The following FBXO45 variants were observed in gnomAD, a reference collection of about 807,000 sequenced individuals.
FBXO45 encodes F-box/SPRY domain-containing protein 1.
In FBXO45, 3 loss-of-function variants were observed where a neutral mutation model predicts 25.5. That is an observed-to-expected ratio of 0.12 (90% CI 0.05 to 0.30). The LOEUF (loss-of-function observed/expected upper bound fraction) is 0.30, where lower values mean the gene tolerates loss of function less well. FBXO45 is among the 10% of genes least tolerant of loss of function. The pLI, the probability that FBXO45 is intolerant of heterozygous loss-of-function variation, is 1.00. For missense variants in FBXO45, 219 were observed against 365.0 expected (o/e 0.60, Z 3.26); for synonymous variants, 155 against 149.8 (o/e 1.03, Z -0.25).
In FBXO45 at chr3:196,584,024, A is replaced by G. The variant is rs536756721; in HGVS notation, c.676-109A>G. On this transcript the variant is annotated intron_variant, in intron 2 of 2. Coordinates refer to ENST00000311630, the MANE Select transcript of FBXO45 (RefSeq NM_001105573.2). This position sits in a 1 kb window ranked among gnomAD's most constrained non-coding sequence, Gnocchi z 4.3. ...AGCTTCCCTTCTGATTTTTCTAGAT[A>G]GCTTTCAGGATAATATTCTTAATAT... 10 of 1,039,782 alleles carry G rather than the reference A, an allele frequency of 9.6e-6. No individual in the cohort carries two copies. Among genetic ancestry groups the G allele is most frequent in the Admixed American group, 8.7e-5 (3 of 34,600 alleles). The allele number at this position is 1,039,782 out of a possible 1,614,324, so 64.4% of individuals were successfully genotyped here.
intron 1 of FBXO45, among the ~76,000 whole-genome samples, chr3:196,571,266 G>A (rs542256816): frequency 3.6e-4 from 54 of 151,578 alleles, no homozygotes; most frequent in Non-Finnish European, 6.6e-4. Context: ...AAACTCTGTC[G>A]CCCAGGCTGC....
chr3:196,585,394 C>A lies in FBXO45; in HGVS notation c.*1076C>A, dbSNP rs1053600546. 4 of 151,996 alleles carry A rather than the reference C, an allele frequency of 2.6e-5. No individual in the cohort carries two copies. The highest frequency in any genetic ancestry group is 5.9e-5 in the Non-Finnish European group (4 of 67,998). The allele number at this position is 151,996 out of a possible 1,614,324, so 9.4% of individuals were successfully genotyped here. ...ACCTTATAAATGCTGTAGATATTAT[C>A]AAAAAAATTTTAATTTCATATTGTT... On this transcript the variant is annotated 3_prime_UTR_variant, in exon 3 of 3. Transcript: ENST00000311630.
At chr3:196,582,984 T>A (rs1391092160) in intron 2 of FBXO45, among the ~76,000 whole-genome samples, 1 of 152,198 alleles carries the variant, frequency 6.6e-6, no homozygotes, top group African/African-American at 2.4e-5. Flanking sequence ...AACTTTTTCC[T>A]CACCCCAACA....
intron 2 of FBXO45, among the ~76,000 whole-genome samples, chr3:196,583,474 C>G (rs1345088219): frequency 6.7e-6 from 1 of 149,816 alleles, no homozygotes; most frequent in African/African-American, 2.5e-5. Flanking sequence ...CCACTGCACT[C>G]CAGCCTGGGC....
At position 196,568,892 on chromosome 3, in the gene FBXO45, C is replaced by A; in HGVS notation, c.-93C>A. 1 of 925,190 alleles carries A rather than the reference C, an allele frequency of 1.1e-6. No homozygotes were observed. The highest frequency in any genetic ancestry group is 1.3e-6 in the Non-Finnish European group (1 of 774,616). 57.3% of individuals were successfully genotyped at this position (925,190 alleles called of 1,614,324 possible). A position where few individuals can be genotyped will look rare whatever the true frequency, so the allele number is the denominator to read the frequency against. ...GGCACTGACAGGGGCGGTGAGCGAG[C>A]CGCTCCGGTCTCCGGGCGAGGCTTG... On this transcript the variant is annotated 5_prime_UTR_variant, in exon 1 of 3. Coordinates refer to ENST00000311630, the MANE Select transcript of FBXO45 (RefSeq NM_001105573.2).
chr3:196,569,035 T>TAGC lies in FBXO45; in HGVS notation c.52_54dup (p.Ser18dup). The TAGC allele has an allele frequency of 9.4e-7, 1 of 1,063,148 alleles. No individual in the cohort carries two copies. Among genetic ancestry groups the TAGC allele is most frequent in the Non-Finnish European group, 1.1e-6 (1 of 883,936 alleles). The allele number at this position is 1,063,148 out of a possible 1,614,324, so 65.9% of individuals were successfully genotyped here. A position where few individuals can be genotyped will look rare whatever the true frequency, so the allele number is the denominator to read the frequency against. ...GGGCAGCCTCGGGCGGCGCTGGCTG[T>TAGC]AGCGGCGGCGGCGCGGGCGCGGGCG... is the stretch of plus-strand genomic sequence containing the variant. On this transcript the variant is annotated inframe_insertion, in exon 1 of 3. Coordinates refer to ENST00000311630, the MANE Select transcript of FBXO45 (RefSeq NM_001105573.2). The surrounding 1 kb of genome is among the most constrained non-coding windows in gnomAD (Gnocchi z 4.1).
intron 1 of FBXO45, among the ~76,000 whole-genome samples, chr3:196,573,425 G>A (rs975571212): frequency 6.6e-6 from 1 of 152,190 alleles, no homozygotes; most frequent in Non-Finnish European, 1.5e-5. Context: ...ATAGAAGTTT[G>A]AACAGCAGAG....
At position 196,584,014 on chromosome 3, in the gene FBXO45, TTTTCTAGATAGC is replaced by T; in HGVS notation, c.676-114_676-103del. ...CTGACTAGAAAGCTTCCCTTCTGATTTTTCTAGATAGCTTTCAGGATAATATTCTTAATATTT... is the reference window on the plus strand; with the variant it reads ...CTGACTAGAAAGCTTCCCTTCTGATTTTTCAGGATAATATTCTTAATATTT... On this transcript the variant is annotated intron_variant, in intron 2 of 2. Transcript: ENST00000311630. This position sits in a 1 kb window ranked among gnomAD's most constrained non-coding sequence, Gnocchi z 4.3. The T allele has an allele frequency of 1.0e-6, 1 of 983,620 alleles. No homozygotes were observed. The highest frequency in any genetic ancestry group is 2.7e-5 in the East Asian group (1 of 37,692). 60.9% of individuals were successfully genotyped at this position (983,620 alleles called of 1,614,324 possible). A position where few individuals can be genotyped will look rare whatever the true frequency, so the allele number is the denominator to read the frequency against.
At chr3:196,574,332 CATTA>C (rs1735877515) in intron 1 of FBXO45, among the ~76,000 whole-genome samples, 1 of 152,102 alleles carries the variant, frequency 6.6e-6, no homozygotes, top group African/African-American at 2.4e-5. Flanking sequence ...TATAAATGTA[CATTA>C]ATTCCTTAAT....
rs1446227268 is a variant in FBXO45 at position 196,587,772 on chromosome 3, A to G, written c.*3454A>G. 6.6e-6 allele frequency: 1 copy of G among 152,040 alleles called. No homozygotes were observed. Among genetic ancestry groups the G allele is most frequent in the Non-Finnish European group, 1.5e-5 (1 of 68,002 alleles). The allele number at this position is 152,040 out of a possible 1,614,324, so 9.4% of individuals were successfully genotyped here. On this transcript the variant is annotated 3_prime_UTR_variant, in exon 3 of 3. Transcript: ENST00000311630. ...TTTTGAAGAAGTGAGTAATTTGAAG[A>G]GATAGAAACTTAGGGAGTGGTGTGT...
chr3:196,573,560 G>T (rs1174668260), intron 1 of FBXO45, among the ~76,000 whole-genome samples: 1 of 152,174 alleles, frequency 6.6e-6, no homozygotes, highest in African/African-American at 2.4e-5. Flanking sequence ...GATGGCTGGA[G>T]AGCTGTCGTA....
chr3:196,572,829 T>G (rs12485589), intron 1 of FBXO45, among the ~76,000 whole-genome samples: 27,908 of 152,176 alleles, frequency 0.18, 3,626 homozygotes, highest in East Asian at 0.6. Context: ...GTAAAATCTA[T>G]AGAATTGGCA....
intron 1 of FBXO45, among the ~76,000 whole-genome samples, chr3:196,570,773 G>A (rs1464018968): frequency 2.7e-5 from 4 of 146,706 alleles, no homozygotes; most frequent in African/African-American, 1.0e-4. Flanking sequence ...GTGCAGTGGC[G>A]GGATCTCAGC....
At chr3:196,570,020 C>T (rs1445349292) in intron 1 of FBXO45, among the ~76,000 whole-genome samples, 1 of 152,168 alleles carries the variant, frequency 6.6e-6, no homozygotes, top group African/African-American at 2.4e-5. Flanking sequence ...AGTTTCGCTG[C>T]ATCCTTCCTG....
intron 2 of FBXO45, among the ~76,000 whole-genome samples, chr3:196,581,207 C>CT (rs1041233012): frequency 1.2e-4 from 12 of 102,832 alleles, no homozygotes; most frequent in Non-Finnish European, 1.3e-4. Flanking sequence ...TTAGAATTTC[C>CT]TTTTTTTTCT....
At chr3:196,578,198 G>T (rs889166639) in intron 2 of FBXO45, among the ~76,000 whole-genome samples, 3 of 151,580 alleles carry the variant, frequency 2.0e-5, no homozygotes, top group African/African-American at 7.3e-5. Flanking sequence ...CACCATGCCT[G>T]GCTAATTTTT....
chr3:196,578,859 A>G (rs140869083), intron 2 of FBXO45, among the ~76,000 whole-genome samples: 47 of 152,226 alleles, frequency 3.1e-4, no homozygotes, highest in African/African-American at 1.0e-3. Context: ...TGTGTGGCCC[A>G]AAACAATTCT....
chr3:196,588,674 TC>T lies in FBXO45; in HGVS notation c.*4357del, dbSNP rs1736181172. On this transcript the variant is annotated 3_prime_UTR_variant, in exon 3 of 3. Transcript: ENST00000311630. The surrounding 1 kb of genome is among the most constrained non-coding windows in gnomAD (Gnocchi z 4.2). ...ATATCGCCCCTAAACTGGGACAGGA[TC>T]TCTAACGGACTCATCTTTGTGCCAC... 6.6e-6 allele frequency: 1 copy of T among 152,224 alleles called. No homozygotes were observed. The highest frequency in any genetic ancestry group is 2.1e-4 in the South Asian group (1 of 4,836). 9.4% of individuals were successfully genotyped at this position (152,224 alleles called of 1,614,324 possible).
chr3:196,585,680 A>T lies in FBXO45; in HGVS notation c.*1362A>T, dbSNP rs1456168100. 1 of 152,224 alleles carries T rather than the reference A, an allele frequency of 6.6e-6. No homozygotes were observed. The highest frequency in any genetic ancestry group is 1.9e-4 in the East Asian group (1 of 5,204). 9.4% of individuals were successfully genotyped at this position (152,224 alleles called of 1,614,324 possible). A position where few individuals can be genotyped will look rare whatever the true frequency, so the allele number is the denominator to read the frequency against. On this transcript the variant is annotated 3_prime_UTR_variant, in exon 3 of 3. Transcript: ENST00000311630. ...TCACTAAAATGCTTTTGAATTAATA[A>T]TCCAACCCACATGAGCTGAGAGTTT...
Sources: gnomAD v4.1 joint callset for allele counts (sites outside exome capture counted in the v4.1 genomes callset) on GRCh38, gnomAD v4.1.1 for gene constraint, Gnocchi (gnomAD v3.1) non-coding constraint, MANE v1.5 for transcripts, NCBI Gene and HGNC (gene_info 2026-07-23, HGNC 2026-07-21) for gene names.